FBXO34: variants seen among roughly 807,000 people sequenced by gnomAD.
The protein encoded by FBXO34 is F-box protein 34, also known as F-box only protein 34.
In FBXO34, 12 loss-of-function variants were observed where a neutral mutation model predicts 24.5. The ratio of observed to expected loss-of-function variants is 0.49; its 90% CI spans 0.31 to 0.79. The LOEUF (loss-of-function observed/expected upper bound fraction) is 0.79. Ranked by LOEUF, FBXO34 falls within the 30% of genes least tolerant of loss-of-function variation. The probability of loss-of-function intolerance (pLI) is 0.04; values close to 1 mark genes in which losing one functional copy is unlikely to be tolerated. For synonymous variants in FBXO34, 320 were observed against 311.9 expected, an observed-to-expected ratio of 1.03 and a Z score of -0.27; for missense variants, 823 against 857.7, an observed-to-expected ratio of 0.96 and a Z score of 0.51.
chr14:55,380,686 CATGT>C, the FBXO34 span: 1 of 1,595,250 alleles, frequency 6.3e-7, no homozygotes, highest in Non-Finnish European at 8.5e-7. Context: ...TACTCTGCTC[CATGT>C]CTGCAGTAAG....
chr14:55,373,135 C>T (rs960503211), downstream of FBXO34, among the ~76,000 whole-genome samples: 4 of 152,112 alleles, frequency 2.6e-5, no homozygotes, highest in Non-Finnish European at 4.4e-5. Context: ...AATAATTCAT[C>T]CTATTTTGCT....
downstream of FBXO34, among the ~76,000 whole-genome samples, chr14:55,363,826 G>T (rs1380396752): frequency 1.3e-5 from 2 of 151,008 alleles, no homozygotes; most frequent in African/African-American, 2.4e-5. Flanking sequence ...TTCCAATGTG[G>T]CCCACAGAAG....
At chr14:55,387,657 G>A in the FBXO34 span, among the ~76,000 whole-genome samples, 3 of 152,042 alleles carry the variant, frequency 2.0e-5, no homozygotes, top group East Asian at 1.9e-4. Context: ...TTGGTTGCAC[G>A]CATTAGATTT....
At chr14:55,383,950 C>G in the FBXO34 span, among the ~76,000 whole-genome samples, 2 of 152,160 alleles carry the variant, frequency 1.3e-5, no homozygotes, top group African/African-American at 4.8e-5. Context: ...GCCTTCTGTG[C>G]TGCACCAAGT....
intron 1 of FBXO34, among the ~76,000 whole-genome samples, chr14:55,304,156 TG>T (rs1882459207): frequency 6.6e-6 from 1 of 152,346 alleles, no homozygotes; most frequent in African/African-American, 2.4e-5. Flanking sequence ...TCTATGTTTA[TG>T]CTTGTGATTT....
chr14:55,365,225 CAA>C (rs1175120629), downstream of FBXO34, among the ~76,000 whole-genome samples: 5 of 88,702 alleles, frequency 5.6e-5, no homozygotes, highest in Admixed American at 1.4e-4. Context: ...TCTATCATCT[CAA>C]AAAAAAAAAA....
chr14:55,340,889 C>T (rs1883968190), intron 1 of FBXO34, among the ~76,000 whole-genome samples: 1 of 152,098 alleles, frequency 6.6e-6, no homozygotes, highest in South Asian at 2.1e-4. Context: ...ACATTTTGGT[C>T]AAATAGGGCA....
At chr14:55,280,857 T>C (rs771680464) in intron 1 of FBXO34, among the ~76,000 whole-genome samples, 24 of 152,226 alleles carry the variant, frequency 1.6e-4, no homozygotes, top group Admixed American at 5.9e-4. Flanking sequence ...CCATGGAGTT[T>C]GGTGTCCAAG....
chr14:55,398,092 C>T, the FBXO34 span, among the ~76,000 whole-genome samples: 2 of 151,726 alleles, frequency 1.3e-5, no homozygotes, highest in South Asian at 2.1e-4. Flanking sequence ...GGACTACAGG[C>T]GCCTGCCACC....
At chr14:55,393,182 C>T in the FBXO34 span, among the ~76,000 whole-genome samples, 36 of 152,048 alleles carry the variant, frequency 2.4e-4, no homozygotes, top group Non-Finnish European at 4.4e-4. Flanking sequence ...GAGATTGAGA[C>T]CATCCTGGCT....
chr14:55,353,877 GTCA>G (rs1463444139), downstream of FBXO34, among the ~76,000 whole-genome samples: 2 of 152,112 alleles, frequency 1.3e-5, no homozygotes, highest in Non-Finnish European at 2.9e-5. Flanking sequence ...TTATCTAGGC[GTCA>G]TCATTTGGGA....
chr14:55,368,911 T>TA (rs1453673269), downstream of FBXO34: 1 of 152,498 alleles, frequency 6.6e-6, no homozygotes, highest in Non-Finnish European at 1.5e-5. Flanking sequence ...AGAAAATAGT[T>TA]AAAAACTCTC....
chr14:55,289,087 A>G (rs1881856657), intron 1 of FBXO34, among the ~76,000 whole-genome samples: 1 of 152,140 alleles, frequency 6.6e-6, no homozygotes, highest in Admixed American at 6.6e-5. Flanking sequence ...ATATATTTCA[A>G]GCAGCAAAAT....
the FBXO34 span, chr14:55,377,823 C>A: frequency 6.3e-7 from 1 of 1,575,596 alleles, no homozygotes; most frequent in Non-Finnish European, 8.6e-7. Context: ...TCTTACCTGC[C>A]TAGGTGTTCA....
intron 1 of FBXO34, among the ~76,000 whole-genome samples, chr14:55,331,015 T>A (rs529804017): frequency 1.3e-5 from 2 of 152,334 alleles, no homozygotes; most frequent in East Asian, 3.9e-4. Context: ...AAAAGATCTG[T>A]TTGATAATTT....
At chr14:55,397,618 A>G in the FBXO34 span, among the ~76,000 whole-genome samples, 1 of 152,324 alleles carries the variant, frequency 6.6e-6, no homozygotes, top group East Asian at 1.9e-4. Flanking sequence ...TTTAAAACTA[A>G]GCTCAAATCC....
intron 1 of FBXO34, among the ~76,000 whole-genome samples, chr14:55,288,942 T>C (rs1462913033): frequency 6.6e-6 from 1 of 152,080 alleles, no homozygotes; most frequent in Admixed American, 6.6e-5. Context: ...TCCCAGTTAC[T>C]GGAGAGGCTG....
the FBXO34 span, among the ~76,000 whole-genome samples, chr14:55,430,758 C>G: frequency 2.0e-5 from 3 of 152,226 alleles, no homozygotes; most frequent in African/African-American, 7.2e-5. Context: ...GCCCTTGGCT[C>G]TCTTCACCCA....
chr14:55,401,437 T>C, the FBXO34 span, among the ~76,000 whole-genome samples: 7 of 152,228 alleles, frequency 4.6e-5, no homozygotes, highest in African/African-American at 1.7e-4. Context: ...GTTTTTGTGC[T>C]GTTTTCTGAA....
Sources: gnomAD v4.1 joint callset for allele counts (sites outside exome capture counted in the v4.1 genomes callset) on GRCh38, gnomAD v4.1.1 for gene constraint, MANE v1.5 for transcripts, NCBI Gene and HGNC (gene_info 2026-07-23, HGNC 2026-07-21) for gene names.